FREM1: variants seen among roughly 807,000 people sequenced by gnomAD.
The protein encoded by FREM1 is FRAS1 related extracellular matrix 1.
In FREM1, 220 loss-of-function variants were observed where a neutral mutation model predicts 210.1. That is an observed-to-expected ratio of 1.05 (90% CI 0.94 to 1.17). The LOEUF is 1.17. Among genes scored for constraint, FREM1 ranks in the 50% most tolerant of loss-of-function variants. The probability of loss-of-function intolerance (pLI) is 0.00; values close to 1 mark genes in which losing one functional copy is unlikely to be tolerated. For synonymous variants in FREM1, 1,189 were observed against 980.2 expected (o/e 1.21, Z -3.98); for missense variants, 3,454 against 2,675.5 (o/e 1.29, Z -6.42).
chr9:14,903,245 T>C (rs1839094144), intron 1 of FREM1, among the ~76,000 whole-genome samples: 1 of 152,180 alleles, frequency 6.6e-6, no homozygotes, highest in African/African-American at 2.4e-5. Context: ...AGACCAAAGT[T>C]ACTGAGCCAT....
chr9:14,870,890 T>C lies in FREM1; in HGVS notation c.-267-1646A>G, dbSNP rs1588498791. ...TCATTGTTCAATTCCCACCTATGAG[T>C]GAGAATATGCGGTGTTTGGTTTTTT... On this transcript the variant is annotated intron_variant, in intron 1 of 36. Transcript: ENST00000380880. Among the ~76,000 whole-genome samples the C allele has an allele frequency of 2.0e-5, 3 of 146,862 alleles. No homozygotes were observed. In the East Asian group the frequency reaches 6.2e-4, roughly 30 times the overall value.
intron 1 of FREM1, among the ~76,000 whole-genome samples, chr9:14,900,266 C>A (rs935189878): frequency 6.6e-6 from 1 of 152,196 alleles, no homozygotes; most frequent in East Asian, 1.9e-4. Flanking sequence ...GAGTGGGGCC[C>A]AGGCATCTGA....
At chr9:14,820,212 G>A (rs1010825647) in intron 13 of FREM1, among the ~76,000 whole-genome samples, 1 of 152,184 alleles carries the variant, frequency 6.6e-6, no homozygotes, top group Non-Finnish European at 1.5e-5. Flanking sequence ...GTTTATAAGG[G>A]ACATAAGCAT....
intron 2 of FREM1, among the ~76,000 whole-genome samples, chr9:14,866,286 GT>G (rs1831501148): frequency 6.6e-6 from 1 of 152,186 alleles, no homozygotes; most frequent in Non-Finnish European, 1.5e-5. Flanking sequence ...GTGAACAAAT[GT>G]TTTTTACCTA....
intron 1 of FREM1, among the ~76,000 whole-genome samples, chr9:14,884,096 G>A (rs1835329545): frequency 1.3e-5 from 2 of 152,188 alleles, no homozygotes; most frequent in East Asian, 1.9e-4. Flanking sequence ...GGGCGTGGTG[G>A]TGGGTGCCCA....
In FREM1 at chr9:14,860,722, TATATACAC is replaced by T. The variant is rs1301534042; in HGVS notation, c.330-1246_330-1239del. On this transcript the variant is annotated intron_variant, in intron 3 of 36. Coordinates refer to ENST00000380880, the MANE Select transcript of FREM1 (RefSeq NM_001379081.2). ...ACATATATACACACATATATACACA[TATATACAC>T]ATATATACACATATATATGCACATA... Among the ~76,000 whole-genome samples the T allele has an allele frequency of 2.7e-4, 35 of 131,072 alleles. 2 individuals carry two copies. The highest frequency in any genetic ancestry group is 7.2e-4 in the African/African-American group (24 of 33,202). 86.0% of individuals were successfully genotyped at this position (131,072 alleles called of 152,430 possible).
At chr9:14,744,142 G>A (rs1194990513) in intron 35 of FREM1, among the ~76,000 whole-genome samples, 1 of 151,928 alleles carries the variant, frequency 6.6e-6, no homozygotes, top group Non-Finnish European at 1.5e-5. Context: ...TAACCTCTCT[G>A]GTGACTCTAC....
intron 1 of FREM1, among the ~76,000 whole-genome samples, chr9:14,876,942 T>A (rs1321828265): frequency 6.6e-6 from 1 of 152,146 alleles, no homozygotes; most frequent in Non-Finnish European, 1.5e-5. Flanking sequence ...TAGGTAGATG[T>A]CTCCCAAAAC....
At chr9:14,807,581 T>C (rs1254538881) in intron 17 of FREM1, among the ~76,000 whole-genome samples, 2 of 152,090 alleles carry the variant, frequency 1.3e-5, no homozygotes, top group African/African-American at 2.4e-5. Context: ...TAAATTACTC[T>C]CTCTTCAGCA....
At chr9:14,834,756 A>G (rs1475933361) in intron 10 of FREM1, among the ~76,000 whole-genome samples, 5 of 152,174 alleles carry the variant, frequency 3.3e-5, no homozygotes, top group African/African-American at 1.2e-4. Context: ...TTTAAGTTAT[A>G]TTTTGGTGAA....
chr9:14,844,524 C>T (rs996280427), intron 8 of FREM1, among the ~76,000 whole-genome samples: 4 of 152,160 alleles, frequency 2.6e-5, no homozygotes, highest in Non-Finnish European at 5.9e-5. Context: ...TGTGCCCGGC[C>T]AGAGACTTAC....
intron 29 of FREM1, among the ~76,000 whole-genome samples, chr9:14,754,830 AG>A (rs1844003964): frequency 2.0e-5 from 3 of 152,302 alleles, no homozygotes; most frequent in Admixed American, 2.0e-4. Flanking sequence ...GCTACTTGGG[AG>A]GCCAAGGCAG....
At chr9:14,807,674 GACACAC>G (rs34499233) in intron 17 of FREM1, among the ~76,000 whole-genome samples, 4 of 149,626 alleles carry the variant, frequency 2.7e-5, no homozygotes, top group African/African-American at 7.4e-5. Context: ...CACACACAAA[GACACAC>G]ACACACACAC....
chr9:14,857,742 T>C lies in FREM1; in HGVS notation c.639A>G (p.Arg213=), dbSNP rs950739. 0.02 allele frequency: 31,933 copies of C among 1,600,106 alleles called. 3,371 individuals carry two copies. In the African/African-American group the frequency reaches 0.29, roughly 15 times the overall value. ...TCCCACCTGGACACTTCAGTTTTGCTCTCAGTTCTAGAATGTACAGCACTG... is the reference window on the plus strand; with the variant it reads ...TCCCACCTGGACACTTCAGTTTTGCCCTCAGTTCTAGAATGTACAGCACTG... ...PHSFFPESQL[R]AKLKCPGGSC... is the part of the protein sequence containing the mutation. Residue 213 remains arginine (R), a synonymous_variant, in exon 5 of 37, where the codon AGA becomes AGG. Transcript: ENST00000380880.
intron 22 of FREM1, among the ~76,000 whole-genome samples, chr9:14,791,463 A>T (rs561452510): frequency 6.6e-6 from 1 of 152,264 alleles, no homozygotes; most frequent in African/African-American, 2.4e-5. Flanking sequence ...CAAATTTGGC[A>T]GTTGTTAAAA....
intron 35 of FREM1, among the ~76,000 whole-genome samples, chr9:14,745,459 T>C (rs995838231): frequency 2.0e-5 from 3 of 152,202 alleles, no homozygotes; most frequent in African/African-American, 4.8e-5. Context: ...CATTTATTAT[T>C]GTTTGAATCG....
rs1818467474 is a variant in FREM1 at position 14,910,057 on chromosome 9, G to T, written c.-411C>A. The stretch of plus-strand genomic sequence containing the variant: ...AAGAACCCCGGGAAGGAAGAGAGCT[G>T]AAATTCCAGTCTTTCAGGTCAGCTG... On this transcript the variant is annotated 5_prime_UTR_variant, in exon 1 of 37. Coordinates refer to ENST00000380880, the MANE Select transcript of FREM1 (RefSeq NM_001379081.2). The T allele has an allele frequency of 6.6e-6, 1 of 152,256 alleles. No individual in the cohort carries two copies. Among genetic ancestry groups the T allele is most frequent in the Admixed American group, 6.5e-5 (1 of 15,290 alleles). 9.4% of individuals were successfully genotyped at this position (152,256 alleles called of 1,614,324 possible). A position where few individuals can be genotyped will look rare whatever the true frequency, so the allele number is the denominator to read the frequency against.
chr9:14,835,011 C>G (rs1824284421), intron 10 of FREM1, among the ~76,000 whole-genome samples: 1 of 152,144 alleles, frequency 6.6e-6, no homozygotes, highest in South Asian at 2.1e-4. Flanking sequence ...AACAGGTGTT[C>G]TCAAATGCAG....
At chr9:14,817,959 G>C (rs974786029) in intron 14 of FREM1, among the ~76,000 whole-genome samples, 6 of 152,058 alleles carry the variant, frequency 3.9e-5, no homozygotes, top group African/African-American at 1.2e-4. Flanking sequence ...GGATCAAATG[G>C]CCCTAAGAGT....
Sources: allele counts gnomAD v4.1 joint callset (sites outside exome capture counted in the v4.1 genomes callset), GRCh38; gene constraint gnomAD v4.1.1; transcripts MANE v1.5; gene names NCBI Gene and HGNC (gene_info 2026-07-23, HGNC 2026-07-21).